The following OSBPL10 variants were observed in gnomAD, a reference collection of about 807,000 sequenced individuals.
OSBPL10 encodes oxysterol binding protein like 10.
Under a neutral mutation model 81.7 loss-of-function variants are expected in OSBPL10, and 49 were observed. The observed-to-expected ratio is 0.60, with a 90% CI of 0.48 to 0.76. The LOEUF (loss-of-function observed/expected upper bound fraction) is 0.76. OSBPL10 is among the 30% of genes least tolerant of loss of function. The pLI is 0.00. For missense variants in OSBPL10, 923 were observed against 987.8 expected, an observed-to-expected ratio of 0.93 and a Z score of 0.88; for synonymous variants, 419 against 383.6, an observed-to-expected ratio of 1.09 and a Z score of -1.08.
intron 1 of OSBPL10, among the ~76,000 whole-genome samples, chr3:31,927,681 A>T (rs150424054): frequency 4.3e-4 from 66 of 152,378 alleles, no homozygotes; most frequent in African/African-American, 1.6e-3. Context: ...AATAAACAGC[A>T]GCTATTATTC....
At chr3:31,965,825 TAAA>T (rs1698368604) in intron 1 of OSBPL10, among the ~76,000 whole-genome samples, 1 of 56,762 alleles carries the variant, frequency 1.8e-5, no homozygotes, top group South Asian at 8.4e-4. Context: ...ATATATTATA[TAAA>T]TATATAATAT....
intron 1 of OSBPL10, among the ~76,000 whole-genome samples, chr3:31,956,005 T>C (rs140523482): frequency 6.6e-5 from 10 of 152,344 alleles, no homozygotes; most frequent in East Asian, 5.8e-4. Context: ...GTTATATCCA[T>C]GCTATAGATG....
At chr3:31,829,255 A>G (rs1700173629) in intron 4 of OSBPL10, among the ~76,000 whole-genome samples, 1 of 152,208 alleles carries the variant, frequency 6.6e-6, no homozygotes, top group African/African-American at 2.4e-5. Flanking sequence ...ACTCAAAGGA[A>G]GTAGGCAACC....
intron 1 of OSBPL10, among the ~76,000 whole-genome samples, chr3:32,065,800 T>C (rs151129822): frequency 0.05 from 4,466 of 88,676 alleles, 1,680 homozygotes; most frequent in Middle Eastern, 0.18. Context: ...AAGGATCGCT[T>C]GAGCCCAGGA....
intron 3 of OSBPL10, among the ~76,000 whole-genome samples, chr3:31,861,412 G>A (rs1701054737): frequency 6.6e-6 from 1 of 152,090 alleles, no homozygotes; most frequent in Admixed American, 6.5e-5. Flanking sequence ...ACAGTTATTT[G>A]TATTGTTTAC....
chr3:31,825,710 A>T (rs1700084074), intron 4 of OSBPL10, among the ~76,000 whole-genome samples: 2 of 152,210 alleles, frequency 1.3e-5, no homozygotes, highest in African/African-American at 4.8e-5. Context: ...AGATAGTGGA[A>T]ACCAGAGATT....
intron 3 of OSBPL10, among the ~76,000 whole-genome samples, chr3:31,832,526 A>G (rs1002553471): frequency 6.6e-6 from 1 of 152,216 alleles, no homozygotes; most frequent in Non-Finnish European, 1.5e-5. Context: ...GAAAATATCT[A>G]CTGTGTAGTG....
At chr3:31,939,724 A>G (rs1254889216) in intron 1 of OSBPL10, among the ~76,000 whole-genome samples, 2 of 151,018 alleles carry the variant, frequency 1.3e-5, no homozygotes, top group Non-Finnish European at 3.0e-5. Flanking sequence ...TCATGCACAC[A>G]CTCCTGGGTT....
chr3:32,022,777 A>ATGC (rs1699372255), intron 2 of OSBPL10, among the ~76,000 whole-genome samples: 1 of 150,074 alleles, frequency 6.7e-6, no homozygotes, highest in Non-Finnish European at 1.5e-5. Context: ...AGATGCTGCA[A>ATGC]AAAAAAAAAA....
At chr3:31,880,681 T>C (rs943662830) in intron 1 of OSBPL10, among the ~76,000 whole-genome samples, 10 of 152,196 alleles carry the variant, frequency 6.6e-5, no homozygotes, top group African/African-American at 2.2e-4. Flanking sequence ...CTTTTCTCTC[T>C]TCCTTCATAG....
chr3:31,904,089 C>T (rs1334557244), intron 1 of OSBPL10, among the ~76,000 whole-genome samples: 1 of 152,186 alleles, frequency 6.6e-6, no homozygotes, highest in African/African-American at 2.4e-5. Flanking sequence ...AGGTCCCAGC[C>T]AGGATGGAGC....
intron 4 of OSBPL10, among the ~76,000 whole-genome samples, chr3:31,761,568 G>A (rs2125722702): frequency 6.6e-6 from 1 of 151,896 alleles, no homozygotes; most frequent in South Asian, 2.1e-4. Flanking sequence ...TGTAATCCCA[G>A]CACTTTGGGA....
intron 8 of OSBPL10, among the ~76,000 whole-genome samples, chr3:31,678,996 G>A (rs1012271866): frequency 6.6e-6 from 1 of 151,986 alleles, no homozygotes; most frequent in Admixed American, 6.6e-5. Context: ...CGGCAAAGAC[G>A]TTCCAGAGCC....
chr3:31,840,101 G>C (rs547114834), intron 3 of OSBPL10, among the ~76,000 whole-genome samples: 1 of 151,704 alleles, frequency 6.6e-6, no homozygotes, highest in African/African-American at 2.4e-5. Flanking sequence ...AATCGACCCA[G>C]AAGATACTTT....
chr3:32,039,320 T>C (rs1021720233), intron 2 of OSBPL10, among the ~76,000 whole-genome samples: 1 of 146,956 alleles, frequency 6.8e-6, no homozygotes, highest in Non-Finnish European at 1.5e-5. Flanking sequence ...AGCAAGACTC[T>C]GTTGCAAAAA....
intron 4 of OSBPL10, among the ~76,000 whole-genome samples, chr3:31,810,681 T>C (rs1282583946): frequency 2.0e-5 from 3 of 152,232 alleles, no homozygotes; most frequent in African/African-American, 4.8e-5. Context: ...CTTCTATAAA[T>C]ACGAAGTGAT....
intron 5 of OSBPL10, 150 bp from the exon 6 acceptor site, chr3:31,733,561 C>A (rs1697041237): frequency 1.2e-5 from 10 of 853,590 alleles, no homozygotes; most frequent in Non-Finnish European, 1.9e-5. Context: ...GTACCAAGTG[C>A]AGATTCTGAT....
chr3:31,927,137 A>T (rs1383191889), intron 1 of OSBPL10, among the ~76,000 whole-genome samples: 1 of 152,126 alleles, frequency 6.6e-6, no homozygotes, highest in Non-Finnish European at 1.5e-5. Context: ...ACAAAAAGTC[A>T]AAGGTAAAGT....
rs891282809 is a variant in OSBPL10, at chr3:31,981,156, T to G, written c.24A>C (p.Thr8=). Residue 8 remains threonine, a synonymous_variant, in exon 1 of 12, where the codon ACA becomes ACC. Coordinates refer to ENST00000396556, the MANE Select transcript of OSBPL10 (RefSeq NM_017784.5). This position sits in a 1 kb window ranked among gnomAD's most constrained non-coding sequence, Gnocchi z 4.5. Reference sequence around the variant, plus strand: ...TGCTGTTGCTACCCCCGCCGCCGTCTGTGCCCTGGACTGCCCTCTCCATGG... The same window carrying G: ...TGCTGTTGCTACCCCCGCCGCCGTCGGTGCCCTGGACTGCCCTCTCCATGG... The part of the protein sequence containing the change: MERAVQG[T]DGGGGSNSSS... 9.4e-6 allele frequency: 14 copies of G among 1,487,844 alleles called. No individual in the cohort carries two copies. The highest frequency in any genetic ancestry group is 1.2e-5 in the Non-Finnish European group (14 of 1,123,858). 92.2% of individuals were successfully genotyped at this position (1,487,844 alleles called of 1,614,324 possible).
Sources: allele counts gnomAD v4.1 joint callset (sites outside exome capture counted in the v4.1 genomes callset), GRCh38; gene constraint gnomAD v4.1.1; non-coding constraint Gnocchi (gnomAD v3.1); transcripts MANE v1.5; gene names NCBI Gene and HGNC (gene_info 2026-07-23, HGNC 2026-07-21).